Variants in KCNMB2 observed in about 807,000 individuals in gnomAD.
The protein encoded by KCNMB2 is calcium-activated potassium channel subunit beta-2.
Under a neutral mutation model 24.5 loss-of-function variants are expected in KCNMB2, and 9 were observed. The observed-to-expected ratio is 0.37, with a 90% CI of 0.22 to 0.64. The LOEUF is 0.64. Among genes scored for constraint, KCNMB2 ranks in the 30% least tolerant of loss-of-function variants. The pLI, the probability that KCNMB2 is intolerant of heterozygous loss-of-function variation, is 0.63. For missense variants in KCNMB2, 226 were observed against 284.3 expected (o/e 0.79, Z 1.47); for synonymous variants, 109 against 104.4 (o/e 1.04, Z -0.27).
intron 1 of KCNMB2, among the ~76,000 whole-genome samples, chr3:178,618,685 C>A (rs1002169711): frequency 6.6e-6 from 1 of 152,092 alleles, no homozygotes; most frequent in Non-Finnish European, 1.5e-5. Flanking sequence ...TTCTCAATGC[C>A]CTTCCCATTT....
At chr3:178,599,547 C>T (rs1423887119) in intron 1 of KCNMB2, among the ~76,000 whole-genome samples, 1 of 152,176 alleles carries the variant, frequency 6.6e-6, no homozygotes, top group Non-Finnish European at 1.5e-5. Flanking sequence ...TCTGCACACT[C>T]ATCCTTACAC....
At position 178,660,987 on chromosome 3, in the gene KCNMB2, A is replaced by G. The variant is rs1427352665; in HGVS notation, c.-68+124276A>G. Among the ~76,000 whole-genome samples, 3 of 78,318 alleles carry G rather than the reference A, an allele frequency of 3.8e-5. No homozygotes were observed. In the East Asian group the frequency reaches 8.3e-4, roughly 22 times the overall value. The allele number at this position is 78,318 out of a possible 152,430, so 51.4% of individuals were successfully genotyped here. Reference sequence around the variant, plus strand: ...GTGTTTTTTATATATACACATACATATATATATATTATTATTATATTTTAA... The same window carrying G: ...GTGTTTTTTATATATACACATACATGTATATATATTATTATTATATTTTAA... On this transcript the variant is annotated intron_variant, in intron 1 of 4. Coordinates refer to ENST00000452583, the MANE Select transcript of KCNMB2 (RefSeq NM_181361.3).
chr3:178,711,465 G>C lies in KCNMB2; in HGVS notation c.-67-95878G>C, dbSNP rs6768391. ...CAGACAATCATTGTGGCCTTGCGCTGTCTCTCCCACCAAGACAGATTTCTA... is the reference window on the plus strand; with the variant it reads ...CAGACAATCATTGTGGCCTTGCGCTCTCTCTCCCACCAAGACAGATTTCTA... On this transcript the variant is annotated intron_variant, in intron 1 of 4. Coordinates refer to ENST00000452583, the MANE Select transcript of KCNMB2 (RefSeq NM_181361.3). 9.1e-3 allele frequency among the ~76,000 whole-genome samples: 1,383 copies of C among 152,160 alleles called. 24 individuals carry two copies. Among genetic ancestry groups the C allele is most frequent in the African/African-American group, 0.032 (1,317 of 41,506 alleles).
intron 1 of KCNMB2, among the ~76,000 whole-genome samples, chr3:178,716,177 T>A (rs1234570543): frequency 6.6e-6 from 1 of 152,234 alleles, no homozygotes; most frequent in East Asian, 1.9e-4. Context: ...TTAGCTTCTC[T>A]TCCATATTTG....
chr3:178,570,069 C>A (rs1258352519), intron 1 of KCNMB2, among the ~76,000 whole-genome samples: 1 of 151,722 alleles, frequency 6.6e-6, no homozygotes, highest in African/African-American at 2.4e-5. Context: ...TTAGTAATGA[C>A]ATCTAATCTG....
At position 178,650,621 on chromosome 3, in the gene KCNMB2, G is replaced by C. The variant is rs534006986; in HGVS notation, c.-68+113910G>C. The stretch of plus-strand genomic sequence containing the variant: ...GACACAACAACAAAAAAAAATTTCA[G>C]GCCAATATCCCTGATGAACATTGAT... On this transcript the variant is annotated intron_variant, in intron 1 of 4. Transcript: ENST00000452583. Among the ~76,000 whole-genome samples the C allele has an allele frequency of 2.0e-5, 3 of 152,082 alleles. No homozygotes were observed. In the East Asian group the frequency reaches 5.8e-4, roughly 29 times the overall value.
intron 1 of KCNMB2, among the ~76,000 whole-genome samples, chr3:178,643,676 A>G (rs1476975721): frequency 6.6e-6 from 1 of 152,206 alleles, no homozygotes; most frequent in Non-Finnish European, 1.5e-5. Flanking sequence ...AGCCCACAGG[A>G]AACAGTAGGT....
chr3:178,583,566 G>C (rs1717293979), intron 1 of KCNMB2, among the ~76,000 whole-genome samples: 1 of 152,030 alleles, frequency 6.6e-6, no homozygotes, highest in Non-Finnish European at 1.5e-5. Context: ...TCATTGACTG[G>C]ATCTTTTACA....
chr3:178,607,221 G>A (rs571754857), intron 1 of KCNMB2, among the ~76,000 whole-genome samples: 26 of 152,260 alleles, frequency 1.7e-4, no homozygotes, highest in East Asian at 5.8e-4. Context: ...AAAAAACATC[G>A]GGGCAGGTAT....
At chr3:178,546,147 A>C (rs1715765216) in intron 1 of KCNMB2, among the ~76,000 whole-genome samples, 1 of 152,256 alleles carries the variant, frequency 6.6e-6, no homozygotes, top group Admixed American at 6.5e-5. Context: ...ACATATACCC[A>C]AATATGAGAA....
chr3:178,635,020 G>A (rs991988749), intron 1 of KCNMB2, among the ~76,000 whole-genome samples: 7 of 152,128 alleles, frequency 4.6e-5, no homozygotes, highest in Non-Finnish European at 8.8e-5. Context: ...CTGGACTGTG[G>A]TGATGGAAGG....
chr3:178,553,714 A>G (rs1428877078), intron 1 of KCNMB2, among the ~76,000 whole-genome samples: 4 of 151,864 alleles, frequency 2.6e-5, no homozygotes, highest in African/African-American at 9.7e-5. Flanking sequence ...TAATTTTTGT[A>G]TTTTTAGTAG....
intron 1 of KCNMB2, among the ~76,000 whole-genome samples, chr3:178,796,298 C>T (rs1308201221): frequency 2.6e-5 from 4 of 151,858 alleles, no homozygotes; most frequent in Non-Finnish European, 5.9e-5. Flanking sequence ...GAGATAAATC[C>T]CAAGACAATA....
At chr3:178,842,533 A>G (rs1328989063) in intron 4 of KCNMB2, 120 bp from the exon 5 acceptor site, 4 of 673,930 alleles carry the variant, frequency 5.9e-6, no homozygotes, top group Non-Finnish European at 1.0e-5. Context: ...TTTGAATATG[A>G]AAAGAATAAC....
intron 1 of KCNMB2, among the ~76,000 whole-genome samples, chr3:178,786,081 C>T (rs946954229): frequency 2.0e-5 from 3 of 152,104 alleles, no homozygotes; most frequent in African/African-American, 7.2e-5. Context: ...CAATAAAAGA[C>T]ATGAATAAAT....
At chr3:178,722,167 A>T (rs1453358475) in intron 1 of KCNMB2, among the ~76,000 whole-genome samples, 1 of 152,140 alleles carries the variant, frequency 6.6e-6, no homozygotes, top group African/African-American at 2.4e-5. Context: ...GTTTGATGTT[A>T]TAGCTTTTAC....
chr3:178,754,059 T>C (rs2108392090), intron 1 of KCNMB2, among the ~76,000 whole-genome samples: 1 of 151,224 alleles, frequency 6.6e-6, no homozygotes, highest in South Asian at 2.1e-4. Flanking sequence ...CTGTGCCTGG[T>C]TCATTTCACT....
At chr3:178,564,055 G>T (rs1560110096) in intron 1 of KCNMB2, among the ~76,000 whole-genome samples, 4 of 151,956 alleles carry the variant, frequency 2.6e-5, no homozygotes, top group Non-Finnish European at 5.9e-5. Context: ...CAAGGCAGGT[G>T]GATCACGAGG....
intron 1 of KCNMB2, among the ~76,000 whole-genome samples, chr3:178,578,854 G>A (rs1236408569): frequency 6.6e-6 from 1 of 152,114 alleles, no homozygotes; most frequent in African/African-American, 2.4e-5. Context: ...CCCAATACAG[G>A]AGCAAACAGA....
Sources: allele counts gnomAD v4.1 joint callset (sites outside exome capture counted in the v4.1 genomes callset), GRCh38; gene constraint gnomAD v4.1.1; transcripts MANE v1.5; gene names NCBI Gene and HGNC (gene_info 2026-07-23, HGNC 2026-07-21).